The following LPIN2 variants were observed in gnomAD, a reference collection of about 807,000 sequenced individuals.
The protein encoded by LPIN2 is lipin 2.
LPIN2 carries 55 observed loss-of-function variants against 111.4 expected under a neutral mutation model. The observed-to-expected ratio is 0.49, with a 90% CI of 0.40 to 0.62. The LOEUF is 0.62. Among genes scored for constraint, LPIN2 ranks in the 20% least tolerant of loss-of-function variants. The pLI is 0.00. For synonymous variants in LPIN2, 425 were observed against 414.0 expected, an observed-to-expected ratio of 1.03 and a Z score of -0.32; for missense variants, 992 against 1,112.1, an observed-to-expected ratio of 0.89 and a Z score of 1.54.
intron 4 of LPIN2, among the ~76,000 whole-genome samples, chr18:2,947,085 G>A (rs1307629174): frequency 6.6e-6 from 1 of 152,130 alleles, no homozygotes; most frequent in Non-Finnish European, 1.5e-5. Flanking sequence ...AGAGCAGTAG[G>A]TGCTATCTGT....
At chr18:2,978,305 C>A (rs1013345942) in intron 1 of LPIN2, among the ~76,000 whole-genome samples, 1 of 152,152 alleles carries the variant, frequency 6.6e-6, no homozygotes, top group Admixed American at 6.5e-5. Context: ...AAAATTTTAA[C>A]TCTATAGTAG....
chr18:2,994,365 G>A (rs2078309129), intron 1 of LPIN2, among the ~76,000 whole-genome samples: 1 of 152,250 alleles, frequency 6.6e-6, no homozygotes, highest in Admixed American at 6.5e-5. Flanking sequence ...GTAGATGTGT[G>A]CAGCAGACCT....
intron 4 of LPIN2, among the ~76,000 whole-genome samples, chr18:2,944,653 A>G (rs2077421873): frequency 6.6e-6 from 1 of 152,084 alleles, no homozygotes; most frequent in African/African-American, 2.4e-5. Context: ...CCCGGCCTCC[A>G]CAAACCTTTT....
intron 1 of LPIN2, among the ~76,000 whole-genome samples, chr18:2,975,122 G>C (rs1487774494): frequency 6.6e-6 from 1 of 152,190 alleles, no homozygotes; most frequent in African/African-American, 2.4e-5. Context: ...CTGAGGCCCA[G>C]AGAAGCAACT....
chr18:2,948,908 G>C (rs906468485), intron 4 of LPIN2, among the ~76,000 whole-genome samples: 4 of 151,794 alleles, frequency 2.6e-5, no homozygotes, highest in South Asian at 4.2e-4. Flanking sequence ...CCGCCTCCCA[G>C]GTTCAAGTGA....
chr18:2,987,563 A>C (rs1567855574), intron 1 of LPIN2, among the ~76,000 whole-genome samples: 1 of 152,148 alleles, frequency 6.6e-6, no homozygotes, highest in African/African-American at 2.4e-5. Flanking sequence ...TTTCTCTTCC[A>C]TAGCTGGTTC....
intron 3 of LPIN2, 64 bp downstream of exon 3, chr18:2,954,440 T>C (rs1445008581): frequency 1.7e-6 from 2 of 1,152,018 alleles, no homozygotes; most frequent in Non-Finnish European, 2.6e-6. Context: ...AAACGGTCCG[T>C]CTGGGCCACG....
intron 17 of LPIN2, 67 bp downstream of exon 17, chr18:2,921,980 C>A (rs889306199): frequency 1.6e-5 from 25 of 1,541,132 alleles, no homozygotes; most frequent in Non-Finnish European, 2.2e-5. Context: ...ACACATCCCC[C>A]CACCTTGGGC....
chr18:2,934,306 T>TA (rs2144177258), intron 8 of LPIN2, 45 bp downstream of exon 8: 2 of 1,300,828 alleles, frequency 1.5e-6, no homozygotes, highest in East Asian at 4.6e-5. Flanking sequence ...TAGAAATAAC[T>TA]AGACTATTTC....
chr18:2,931,727 CCTTT>C (rs1246983542), intron 8 of LPIN2, among the ~76,000 whole-genome samples: 15 of 152,064 alleles, frequency 9.9e-5, no homozygotes, highest in African/African-American at 3.6e-4. Context: ...TCAACTGTGG[CCTTT>C]CTGATTTTTA....
At chr18:2,953,844 A>T (rs142430065) in intron 3 of LPIN2, among the ~76,000 whole-genome samples, 3 of 152,224 alleles carry the variant, frequency 2.0e-5, no homozygotes, top group African/African-American at 7.2e-5. Flanking sequence ...TATTATTAAT[A>T]AATAAATAAA....
intron 2 of LPIN2, among the ~76,000 whole-genome samples, chr18:2,959,390 T>C (rs2077672732): frequency 6.6e-6 from 1 of 152,234 alleles, no homozygotes; most frequent in Non-Finnish European, 1.5e-5. Flanking sequence ...AGCTCAGCTA[T>C]ATAAAATAGC....
intron 1 of LPIN2, among the ~76,000 whole-genome samples, chr18:3,011,131 G>C (rs1010833245): frequency 1.3e-5 from 2 of 152,106 alleles, no homozygotes; most frequent in African/African-American, 4.8e-5. Context: ...AAAACCAAAA[G>C]TGCAATACAG....
In LPIN2 at chr18:2,959,756, T is replaced by C. The variant is rs182577753; in HGVS notation, c.192+893A>G. On this transcript the variant is annotated intron_variant, in intron 2 of 19. Coordinates refer to ENST00000677752, the MANE Select transcript of LPIN2 (RefSeq NM_001375808.2). ...CCAGCCTATGGTCTGTTGGTTAGCA[T>C]TTCAGTCAAATATGGGGACAAGTCC... is the stretch of plus-strand genomic sequence containing the variant. Among the ~76,000 whole-genome samples the C allele has an allele frequency of 6.0e-4, 92 of 152,308 alleles. 1 individual carries two copies. The highest frequency in any genetic ancestry group is 2.1e-3 in the African/African-American group (88 of 41,548).
At chr18:2,946,718 T>C (rs963807834) in intron 4 of LPIN2, 2 of 588,260 alleles carry the variant, frequency 3.4e-6, no homozygotes, top group African/African-American at 1.9e-5. Flanking sequence ...AGGTGCAACA[T>C]GAATTTTAAA....
chr18:2,944,508 C>T (rs191750830), intron 4 of LPIN2, among the ~76,000 whole-genome samples: 6 of 151,896 alleles, frequency 4.0e-5, no homozygotes, highest in African/African-American at 7.2e-5. Flanking sequence ...CCCACCACTA[C>T]GCCCAGCTAA....
At chr18:2,991,107 T>A (rs2078258529) in intron 1 of LPIN2, 8 of 490,566 alleles carry the variant, frequency 1.6e-5, no homozygotes, top group South Asian at 1.1e-4. Flanking sequence ...CCTCCCTATA[T>A]CAGTTTTATA....
At chr18:2,999,522 A>G (rs1160002107) in intron 1 of LPIN2, among the ~76,000 whole-genome samples, 2 of 151,610 alleles carry the variant, frequency 1.3e-5, no homozygotes, top group Non-Finnish European at 2.9e-5. Context: ...GGAGAATGGC[A>G]TGGCCCGGGA....
chr18:3,002,236 CAAAAAA>C (rs765641037), intron 1 of LPIN2, among the ~76,000 whole-genome samples: 31 of 82,836 alleles, frequency 3.7e-4, no homozygotes, highest in Non-Finnish European at 6.1e-4. Context: ...TTCAAAAGAC[CAAAAAA>C]AAAAAAAAAA....
Sources: allele counts gnomAD v4.1 joint callset (sites outside exome capture counted in the v4.1 genomes callset), GRCh38; gene constraint gnomAD v4.1.1; transcripts MANE v1.5; gene names NCBI Gene and HGNC (gene_info 2026-07-23, HGNC 2026-07-21).